The following TMEM64 variants were observed in gnomAD, a reference collection of about 807,000 sequenced individuals.
TMEM64 encodes transmembrane protein 64.
Under a neutral mutation model 24.5 loss-of-function variants are expected in TMEM64, and 19 were observed. The ratio of observed to expected loss-of-function variants is 0.78; its 90% CI spans 0.54 to 1.14. The LOEUF (loss-of-function observed/expected upper bound fraction) is 1.14. TMEM64 is among the 50% of genes most tolerant of loss of function. The pLI is 0.00. For synonymous variants in TMEM64, 262 were observed against 224.7 expected (o/e 1.17, Z -1.49); for missense variants, 487 against 493.0 (o/e 0.99, Z 0.12).
At chr8:90,627,247 G>A (rs1009246830) in intron 2 of TMEM64, among the ~76,000 whole-genome samples, 1 of 152,122 alleles carries the variant, frequency 6.6e-6, no homozygotes, top group Non-Finnish European at 1.5e-5. Flanking sequence ...AAGTGTGAGA[G>A]GGGAGGAACT....
At chr8:90,633,206 C>A (rs1402819951) in intron 1 of TMEM64, among the ~76,000 whole-genome samples, 1 of 152,208 alleles carries the variant, frequency 6.6e-6, no homozygotes, top group Non-Finnish European at 1.5e-5. Flanking sequence ...ACTTCCACTT[C>A]TTCCTCAAGC....
At chr8:90,632,578 TC>T (rs1437684503) in intron 1 of TMEM64, among the ~76,000 whole-genome samples, 1 of 152,212 alleles carries the variant, frequency 6.6e-6, no homozygotes, top group Admixed American at 6.5e-5. Flanking sequence ...TGCCTCAGCC[TC>T]CCAAAGTACT....
intron 1 of TMEM64, among the ~76,000 whole-genome samples, chr8:90,644,848 G>A (rs1402249340): frequency 2.0e-5 from 3 of 152,218 alleles, no homozygotes; most frequent in African/African-American, 4.8e-5. Flanking sequence ...CTATTGTTAA[G>A]AGGGCTTTTC....
chr8:90,622,535 C>G lies in TMEM64; in HGVS notation c.*3136G>C, dbSNP rs1376857222. The G allele has an allele frequency of 1.3e-5, 2 of 152,322 alleles. No homozygotes were observed. Among genetic ancestry groups the G allele is most frequent in the East Asian group, 3.9e-4 (2 of 5,190 alleles). The allele number at this position is 152,322 out of a possible 1,614,324, so 9.4% of individuals were successfully genotyped here. On this transcript the variant is annotated 3_prime_UTR_variant, in exon 3 of 3. Transcript: ENST00000458549. ...TTACCTGCACCAATGTGGCACACAC[C>G]TAGCAACTTTCTCAAGCATTCTAAA...
chr8:90,640,017 A>G (rs556097967), intron 1 of TMEM64, among the ~76,000 whole-genome samples: 1 of 152,286 alleles, frequency 6.6e-6, no homozygotes, highest in East Asian at 1.9e-4. Context: ...AGACACAAAG[A>G]GGGGAAAACA....
At chr8:90,638,173 C>A (rs1188720010) in intron 1 of TMEM64, among the ~76,000 whole-genome samples, 1 of 152,032 alleles carries the variant, frequency 6.6e-6, no homozygotes, top group Non-Finnish European at 1.5e-5. Flanking sequence ...CTCCCTCCTA[C>A]TGCCATGAGG....
In TMEM64 at chr8:90,624,117, A is replaced by G. The variant is rs374193916; in HGVS notation, c.*1554T>C. On this transcript the variant is annotated 3_prime_UTR_variant, in exon 3 of 3. Transcript: ENST00000458549. Reference sequence around the variant, plus strand: ...AGGTATGGACATATAAATGAACTTTACTGTTACTCAAAGGTGAGAAAACTT... The same window carrying G: ...AGGTATGGACATATAAATGAACTTTGCTGTTACTCAAAGGTGAGAAAACTT... The G allele has an allele frequency of 6.6e-6, 1 of 152,064 alleles. No individual in the cohort carries two copies. The highest frequency in any genetic ancestry group is 1.5e-5 in the Non-Finnish European group (1 of 67,946). The allele number at this position is 152,064 out of a possible 1,614,324, so 9.4% of individuals were successfully genotyped here. A position where few individuals can be genotyped will look rare whatever the true frequency, so the allele number is the denominator to read the frequency against.
In TMEM64 at chr8:90,645,193, A is replaced by G; in HGVS notation, c.713T>C (p.Val238Ala). Residue 238 changes from valine to alanine, a missense_variant, in exon 1 of 3, where the codon GTG becomes GCG. Transcript: ENST00000458549. This position sits in a 1 kb window ranked among gnomAD's most constrained non-coding sequence, Gnocchi z 4.2. ...CACTTTCAGGCCGCTTCCTCCCTCC[A>G]CTACGCGAATAACCGCGCTCAGCTT... Reference protein sequence around the residue: ...SEKLSAVIRVVEGGSGLKVVA... With the variant: ...SEKLSAVIRVAEGGSGLKVVA... The G allele has an allele frequency of 6.2e-7, 1 of 1,614,190 alleles. No homozygotes were observed. Among genetic ancestry groups the G allele is most frequent in the Non-Finnish European group, 8.5e-7 (1 of 1,180,032 alleles).
rs568756493 is a variant in TMEM64 at position 90,645,828 on chromosome 8, C to T, written c.78G>A (p.Glu26=). The T allele has an allele frequency of 3.2e-4, 344 of 1,074,594 alleles. 3 individuals are homozygous for T. The Admixed American group carries it at 0.015, about 47-fold the overall frequency. The allele number at this position is 1,074,594 out of a possible 1,614,324, so 66.6% of individuals were successfully genotyped here. Residue 26 remains glutamate, a synonymous_variant, in exon 1 of 3, where the codon GAG becomes GAA. Transcript: ENST00000458549. The surrounding 1 kb of genome is among the most constrained non-coding windows in gnomAD (Gnocchi z 4.2). ...LQHAALPGLA[E]LPARWALPRG... The stretch of plus-strand genomic sequence containing the variant: ...GCGGCAGGGCCCAGCGGGCCGGCAG[C>T]TCGGCGAGGCCCGGGAGGGCGGCGT...
In TMEM64 at chr8:90,622,339, TA is replaced by T. The variant is rs1238978758; in HGVS notation, c.*3331del. 1 of 152,186 alleles carries T rather than the reference TA, an allele frequency of 6.6e-6. No individual in the cohort carries two copies. The highest frequency in any genetic ancestry group is 2.4e-5 in the African/African-American group (1 of 41,446). The allele number at this position is 152,186 out of a possible 1,614,324, so 9.4% of individuals were successfully genotyped here. On this transcript the variant is annotated 3_prime_UTR_variant, in exon 3 of 3. Transcript: ENST00000458549. The stretch of plus-strand genomic sequence containing the variant: ...TGATTACAACAGAAATCGACCAATC[TA>T]AAAATCAGATAGTGTTATACTGAAC...
At chr8:90,627,032 G>C (rs1199275856) in intron 2 of TMEM64, among the ~76,000 whole-genome samples, 1 of 152,186 alleles carries the variant, frequency 6.6e-6, no homozygotes, top group African/African-American at 2.4e-5. Flanking sequence ...TTTAGGATTT[G>C]GAGCAAACAC....
chr8:90,634,426 T>A (rs1809484764), intron 1 of TMEM64, among the ~76,000 whole-genome samples: 1 of 152,196 alleles, frequency 6.6e-6, no homozygotes, highest in South Asian at 2.1e-4. Context: ...GAATTTCCCA[T>A]TCTATTCAAA....
Position 90,645,352 on chromosome 8 carries a change from G to C in TMEM64, c.554C>G (p.Ala185Gly). Residue 185 changes from alanine (A) to glycine (G), a missense_variant, in exon 1 of 3, where the codon GCT becomes GGT. By Grantham distance (60) the Ala-to-Gly change is moderately conservative. Transcript: ENST00000458549. The surrounding 1 kb of genome is among the most constrained non-coding windows in gnomAD (Gnocchi z 4.2). ...CAGCACGAAGCCGTACAGGTAGCCA[G>C]CGGCCACGTTGAGCACGATGTAGCC... The part of the protein sequence containing the change: ...GWGYIVLNVA[A>G]GYLYGFVLGM... 6.4e-7 allele frequency: 1 copy of C among 1,553,996 alleles called. No individual in the cohort carries two copies. The highest frequency in any genetic ancestry group is 8.7e-7 in the Non-Finnish European group (1 of 1,148,266).
chr8:90,625,600 C>T lies in TMEM64; in HGVS notation c.*71G>A. 1.6e-6 allele frequency: 2 copies of T among 1,217,968 alleles called. No individual in the cohort carries two copies. Among genetic ancestry groups the T allele is most frequent in the South Asian group, 1.7e-5 (1 of 58,830 alleles). The allele number at this position is 1,217,968 out of a possible 1,614,324, so 75.4% of individuals were successfully genotyped here. Reference sequence around the variant, plus strand: ...GTAATACAATTAGAACTTGTCTCTGCCCACTAGTGAAGTGACTGCTAGACC... The same window carrying T: ...GTAATACAATTAGAACTTGTCTCTGTCCACTAGTGAAGTGACTGCTAGACC... On this transcript the variant is annotated 3_prime_UTR_variant, in exon 3 of 3. Coordinates refer to ENST00000458549, the MANE Select transcript of TMEM64 (RefSeq NM_001008495.4).
chr8:90,634,006 T>C (rs1481146749), intron 1 of TMEM64, among the ~76,000 whole-genome samples: 1 of 152,170 alleles, frequency 6.6e-6, no homozygotes, highest in Non-Finnish European at 1.5e-5. Context: ...TCAAATATTA[T>C]CTATTTTTTC....
intron 2 of TMEM64, among the ~76,000 whole-genome samples, chr8:90,628,249 C>T (rs1006352129): frequency 1.3e-4 from 20 of 152,182 alleles, no homozygotes; most frequent in African/African-American, 4.8e-4. Context: ...TCTCTTAATG[C>T]TAACTGGAAA....
Position 90,631,110 on chromosome 8 carries a change from G to C in TMEM64, c.951+442C>G, listed in dbSNP as rs137944166. 1.6e-4 allele frequency among the ~76,000 whole-genome samples: 24 copies of C among 152,178 alleles called. 1 individual carries two copies. The East Asian group carries it at 2.9e-3, about 18-fold the overall frequency. ...TTTTGTTTCACATCAAATTGTACTAGAAAGAAATTTACACTCTCAACATAA... is the reference window on the plus strand; with the variant it reads ...TTTTGTTTCACATCAAATTGTACTACAAAGAAATTTACACTCTCAACATAA... On this transcript the variant is annotated intron_variant, in intron 2 of 2. Coordinates refer to ENST00000458549, the MANE Select transcript of TMEM64 (RefSeq NM_001008495.4).
chr8:90,626,614 A>ACTTTTTTTT, intron 2 of TMEM64, among the ~76,000 whole-genome samples: 1 of 138,252 alleles, frequency 7.2e-6, no homozygotes, highest in African/African-American at 2.9e-5. Flanking sequence ...GTCCCTCTGT[A>ACTTTTTTTT]CTTTTTTTTT....
At chr8:90,633,893 G>A (rs984386153) in intron 1 of TMEM64, among the ~76,000 whole-genome samples, 1 of 151,990 alleles carries the variant, frequency 6.6e-6, no homozygotes, top group East Asian at 1.9e-4. Flanking sequence ...TATAGTGAGG[G>A]CTATCTGTTG....
Sources: allele counts gnomAD v4.1 joint callset (sites outside exome capture counted in the v4.1 genomes callset), GRCh38; gene constraint gnomAD v4.1.1; non-coding constraint Gnocchi (gnomAD v3.1); transcripts MANE v1.5; gene names NCBI Gene and HGNC (gene_info 2026-07-23, HGNC 2026-07-21).